The following WDR48 variants were observed in gnomAD, a reference collection of about 807,000 sequenced individuals.
The protein encoded by WDR48 is WD repeat domain 48, also known as WD repeat-containing protein 48.
In WDR48, 22 loss-of-function variants were observed where a neutral mutation model predicts 94.0. The ratio of observed to expected loss-of-function variants is 0.23; its 90% CI spans 0.17 to 0.33. The LOEUF is 0.33. WDR48 is among the 10% of genes least tolerant of loss of function. The pLI, the probability that WDR48 is intolerant of heterozygous loss-of-function variation, is 1.00. For missense variants in WDR48, 541 were observed against 813.8 expected (o/e 0.66, Z 4.08); for synonymous variants, 278 against 280.5 (o/e 0.99, Z 0.09).
intron 7 of WDR48, among the ~76,000 whole-genome samples, chr3:39,071,676 A>C (rs917501565): frequency 6.6e-6 from 1 of 152,258 alleles, no homozygotes; most frequent in Non-Finnish European, 1.5e-5. Context: ...ACTGCCTGTT[A>C]GTCTCAGAGT....
At chr3:39,058,524 A>G (rs1487006032) in intron 1 of WDR48, among the ~76,000 whole-genome samples, 5 of 152,210 alleles carry the variant, frequency 3.3e-5, no homozygotes, top group African/African-American at 1.2e-4. Context: ...AGATTTAGAT[A>G]TGCTGCACAG....
chr3:39,096,577 G>GT lies in WDR48; in HGVS notation c.*1837dup. 1 of 152,126 alleles carries GT rather than the reference G, an allele frequency of 6.6e-6. No individual in the cohort carries two copies. Among genetic ancestry groups the GT allele is most frequent in the Non-Finnish European group, 1.5e-5 (1 of 68,026 alleles). The allele number at this position is 152,126 out of a possible 1,614,324, so 9.4% of individuals were successfully genotyped here. A position where few individuals can be genotyped will look rare whatever the true frequency, so the allele number is the denominator to read the frequency against. ...TCCCCTCCAGTCAAACCGTAATACA[G>GT]TTTCCAGAAAATTCGACAGTCTGCA... On this transcript the variant is annotated 3_prime_UTR_variant, in exon 19 of 19. Coordinates refer to ENST00000302313, the MANE Select transcript of WDR48 (RefSeq NM_020839.4).
At chr3:39,056,635 A>G (rs2032906993) in intron 1 of WDR48, among the ~76,000 whole-genome samples, 1 of 152,246 alleles carries the variant, frequency 6.6e-6, no homozygotes, top group South Asian at 2.1e-4. Context: ...CAGTGGCAAC[A>G]TTGGATGCTA....
At chr3:39,061,695 A>G (rs1417892987) in intron 1 of WDR48, among the ~76,000 whole-genome samples, 1 of 152,172 alleles carries the variant, frequency 6.6e-6, no homozygotes, top group Non-Finnish European at 1.5e-5. Context: ...ACAGTGGTTG[A>G]ACTACTTTAC....
At chr3:39,065,720 T>A (rs1302901301) in intron 2 of WDR48, 91 bp from the exon 3 acceptor site, 20 of 944,424 alleles carry the variant, frequency 2.1e-5, no homozygotes, top group Non-Finnish European at 3.2e-5. Flanking sequence ...GAGCAGTATG[T>A]CACATTAATT....
At chr3:39,062,914 T>A (rs2033360522) in intron 1 of WDR48, 136 bp from the exon 2 acceptor site, 2 of 1,135,902 alleles carry the variant, frequency 1.8e-6, no homozygotes, top group East Asian at 2.5e-5. Context: ...GGAGTAAAAT[T>A]TAAATTTGTA....
At chr3:39,066,175 C>T (rs1214976605) in intron 3 of WDR48, among the ~76,000 whole-genome samples, 2 of 152,128 alleles carry the variant, frequency 1.3e-5, no homozygotes, top group Non-Finnish European at 2.9e-5. Context: ...TATATAGACT[C>T]GTACTATATG....
intron 6 of WDR48, 42 bp from the exon 7 acceptor site, chr3:39,069,601 C>G (rs375220804): frequency 4.1e-6 from 6 of 1,475,994 alleles, no homozygotes; most frequent in Non-Finnish European, 5.6e-6. Flanking sequence ...AAATTTGATA[C>G]TGATATATTT....
Position 39,092,031 on chromosome 3 carries a change from T to C in WDR48, c.1745+330T>C, listed in dbSNP as rs535395690. On this transcript the variant is annotated intron_variant, in intron 17 of 18. Coordinates refer to ENST00000302313, the MANE Select transcript of WDR48 (RefSeq NM_020839.4). Reference sequence around the variant, plus strand: ...CTACAAAAGATTTAAGTAAAAAAATTAGCTGGGCATGGGAGCACACGCTTG... The same window carrying C: ...CTACAAAAGATTTAAGTAAAAAAATCAGCTGGGCATGGGAGCACACGCTTG... Among the ~76,000 whole-genome samples the C allele has an allele frequency of 2.1e-3, 319 of 152,210 alleles. 1 individual carries two copies. Among genetic ancestry groups the C allele is most frequent in the African/African-American group, 7.3e-3 (302 of 41,530 alleles).
intron 1 of WDR48, 78 bp from the exon 2 acceptor site, chr3:39,062,972 G>C (rs1314213872): frequency 1.0e-5 from 16 of 1,523,898 alleles, no homozygotes; most frequent in South Asian, 1.3e-5. Flanking sequence ...TTCTGTTTCA[G>C]ATTGGCCACT....
intron 10 of WDR48, among the ~76,000 whole-genome samples, chr3:39,078,787 T>C (rs1412324837): frequency 6.8e-6 from 1 of 146,698 alleles, no homozygotes; most frequent in Non-Finnish European, 1.5e-5. Flanking sequence ...TCCCAGCACT[T>C]TGGGAGGCCA....
intron 16 of WDR48, 140 bp downstream of exon 16, chr3:39,089,458 C>A: frequency 1.6e-6 from 1 of 616,600 alleles, no homozygotes; most frequent in Non-Finnish European, 2.6e-6. Flanking sequence ...CTTGCAGTTC[C>A]AAAGTTGCAG....
intron 1 of WDR48, among the ~76,000 whole-genome samples, chr3:39,062,190 T>A (rs1293519644): frequency 1.3e-5 from 2 of 152,240 alleles, no homozygotes; most frequent in African/African-American, 4.8e-5. Flanking sequence ...GCCTGTGTCC[T>A]GAATTGTATT....
At chr3:39,091,080 T>G (rs2035052031) in intron 16 of WDR48, 1 of 152,276 alleles carries the variant, frequency 6.6e-6, no homozygotes, top group African/African-American at 2.4e-5. Flanking sequence ...AAGAATGTGG[T>G]TTACTTCATG....
chr3:39,056,873 A>G (rs1455120629), intron 1 of WDR48, among the ~76,000 whole-genome samples: 2 of 152,212 alleles, frequency 1.3e-5, no homozygotes, highest in African/African-American at 2.4e-5. Context: ...CCAGAAAAGC[A>G]GTAAAGGAAA....
At chr3:39,065,287 A>G (rs1365164501) in intron 2 of WDR48, among the ~76,000 whole-genome samples, 1 of 152,184 alleles carries the variant, frequency 6.6e-6, no homozygotes, top group Non-Finnish European at 1.5e-5. Context: ...ACCATGAGGA[A>G]AACATTTAAT....
intron 7 of WDR48, among the ~76,000 whole-genome samples, chr3:39,073,534 ACT>A (rs2034051060): frequency 6.6e-6 from 1 of 151,482 alleles, no homozygotes; most frequent in Admixed American, 6.6e-5. Context: ...TTAACTTCAT[ACT>A]CCAGCACCAG....
At chr3:39,088,313 C>T (rs1449147215) in intron 15 of WDR48, 80 bp downstream of exon 15, 31 of 1,334,692 alleles carry the variant, frequency 2.3e-5, no homozygotes, top group Admixed American at 2.0e-4. Context: ...CTCAGTATTT[C>T]GATATTAGAA....
At chr3:39,059,635 TCA>T (rs1332974955) in intron 1 of WDR48, among the ~76,000 whole-genome samples, 1 of 152,202 alleles carries the variant, frequency 6.6e-6, no homozygotes, top group East Asian at 1.9e-4. Flanking sequence ...TGAGTAGATC[TCA>T]GTTACAGTTA....
Sources: gnomAD v4.1 joint callset for allele counts (sites outside exome capture counted in the v4.1 genomes callset) on GRCh38, gnomAD v4.1.1 for gene constraint, MANE v1.5 for transcripts, NCBI Gene and HGNC (gene_info 2026-07-23, HGNC 2026-07-21) for gene names.